Variants in NFATC1 observed in about 807,000 individuals in gnomAD.
NFATC1 encodes the protein nuclear factor of activated T cells 1, also known as nuclear factor of activated T-cells, cytoplasmic 1.
In NFATC1, 22 loss-of-function variants were observed where a neutral mutation model predicts 76.0. The ratio of observed to expected loss-of-function variants is 0.29; its 90% CI spans 0.21 to 0.41. The LOEUF (loss-of-function observed/expected upper bound fraction) is 0.41. NFATC1 is among the 10% of genes least tolerant of loss of function. The pLI, the probability that NFATC1 is intolerant of heterozygous loss-of-function variation, is 1.00. For synonymous variants in NFATC1, 704 were observed against 613.1 expected, an observed-to-expected ratio of 1.15 and a Z score of -2.19; for missense variants, 1,357 against 1,337.7, an observed-to-expected ratio of 1.01 and a Z score of -0.23.
rs541767439 is a variant in NFATC1 at position 79,400,532 on chromosome 18, G to T, written c.127+4181G>T. ...GCGCGGGGCCAGGTCGGGGTTTGGG[G>T]GCGCCCAGGCCCCCTCCGCGTCCTC... is the stretch of plus-strand genomic sequence containing the variant. On this transcript the variant is annotated intron_variant, in intron 1 of 9. Transcript: ENST00000427363. The T allele has an allele frequency of 7.7e-5, 102 of 1,331,934 alleles. No individual in the cohort carries two copies. In the African/African-American group the frequency reaches 1.5e-3, roughly 19 times the overall value. 82.5% of individuals were successfully genotyped at this position (1,331,934 alleles called of 1,614,324 possible).
At chr18:79,511,565 G>C (rs2090254684) in intron 9 of NFATC1, among the ~76,000 whole-genome samples, 1 of 152,150 alleles carries the variant, frequency 6.6e-6, no homozygotes, top group South Asian at 2.1e-4. Context: ...GCCTCGCCGT[G>C]CCCAGGATGT....
chr18:79,461,891 T>G (rs2088122227), intron 7 of NFATC1, among the ~76,000 whole-genome samples: 1 of 152,164 alleles, frequency 6.6e-6, no homozygotes, highest in South Asian at 2.1e-4. Flanking sequence ...CGACCTCCCC[T>G]GTGATGGTGT....
Position 79,415,434 on chromosome 18 carries a change from C to G in NFATC1, c.1226+3933C>G, listed in dbSNP as rs28463026. Among the ~76,000 whole-genome samples, 1,022 of 152,216 alleles carry G rather than the reference C, an allele frequency of 6.7e-3. 9 individuals are homozygous for G. The highest frequency in any genetic ancestry group is 0.022 in the African/African-American group (924 of 41,530). ...AGTAGCTGGGCCTACAGGCGCCCAC[C>G]ACCGCGCCCGGCTATTTTTTTGTAT... is the stretch of plus-strand genomic sequence containing the variant. On this transcript the variant is annotated intron_variant, in intron 2 of 9. Coordinates refer to ENST00000427363, the MANE Select transcript of NFATC1 (RefSeq NM_001278669.2).
intron 2 of NFATC1, among the ~76,000 whole-genome samples, chr18:79,432,983 C>A (rs8097131): frequency 0.44 from 67,522 of 152,022 alleles, 15,515 homozygotes; most frequent in African/African-American, 0.56. Flanking sequence ...CAGCCTCCCA[C>A]AGCCCTCACC....
At chr18:79,484,242 G>T (rs1024126962) in intron 8 of NFATC1, among the ~76,000 whole-genome samples, 1 of 152,126 alleles carries the variant, frequency 6.6e-6, no homozygotes, top group Non-Finnish European at 1.5e-5. Context: ...GGCTGGACTT[G>T]CCCCAGGCCA....
At chr18:79,450,000 C>T (rs2087391770) in intron 4 of NFATC1, among the ~76,000 whole-genome samples, 1 of 152,246 alleles carries the variant, frequency 6.6e-6, no homozygotes, top group African/African-American at 2.4e-5. Flanking sequence ...GCCTCGAGAG[C>T]TGTAATCCAA....
chr18:79,421,795 C>G (rs771961120), intron 2 of NFATC1: 1 of 152,294 alleles, frequency 6.6e-6, no homozygotes, highest in Non-Finnish European at 1.5e-5. Flanking sequence ...TTGGCAGTGC[C>G]GCCACCATGG....
intron 9 of NFATC1, 89 bp downstream of exon 9, chr18:79,487,026 C>T: frequency 7.1e-7 from 1 of 1,417,642 alleles, no homozygotes; most frequent in Non-Finnish European, 9.5e-7. Flanking sequence ...GCGTGTGTGG[C>T]ACGTGTGGAA....
intron 9 of NFATC1, chr18:79,523,834 T>C (rs1037519468): frequency 6.6e-6 from 1 of 152,140 alleles, no homozygotes; most frequent in Non-Finnish European, 1.5e-5. Flanking sequence ...CCTTATTAAA[T>C]TAAATTGTGG....
intron 9 of NFATC1, among the ~76,000 whole-genome samples, chr18:79,490,679 G>A (rs111858849): frequency 0.069 from 10,444 of 152,232 alleles, 497 homozygotes; most frequent in Admixed American, 0.1. Flanking sequence ...GGGCCGAGCC[G>A]TTTCCCGCGT....
intron 9 of NFATC1, among the ~76,000 whole-genome samples, chr18:79,504,078 C>CT (rs2090071596): frequency 6.6e-6 from 1 of 152,114 alleles, no homozygotes; most frequent in South Asian, 2.1e-4. Context: ...ATCACTCGGA[C>CT]TTTCTCTGTA....
chr18:79,410,114 G>A lies in NFATC1; in HGVS notation c.128-289G>A, dbSNP rs770313462. 2.3e-5 allele frequency: 17 copies of A among 732,274 alleles called. No individual in the cohort carries two copies. Among genetic ancestry groups the A allele is most frequent in the African/African-American group, 8.6e-5 (5 of 58,370 alleles). 45.4% of individuals were successfully genotyped at this position (732,274 alleles called of 1,614,324 possible). On this transcript the variant is annotated intron_variant, in intron 1 of 9. Transcript: ENST00000427363. This position sits in a 1 kb window ranked among gnomAD's most constrained non-coding sequence, Gnocchi z 6.7. ...TGAAGAGCGGAACCCGTGAGGACCC[G>A]GCCGCCTCTCCCTGGGAAGGACGTT... is the stretch of plus-strand genomic sequence containing the variant.
chr18:79,463,823 C>T lies in NFATC1; in HGVS notation c.1959+2457C>T, dbSNP rs971069859. Among the ~76,000 whole-genome samples the T allele has an allele frequency of 1.9e-4, 29 of 152,310 alleles. 1 individual carries two copies. Among genetic ancestry groups the T allele is most frequent in the African/African-American group, 5.3e-4 (22 of 41,542 alleles). ...GCTTCGCCAGCCCCGCACATGCACGCGGGTTGCGGGATGCAGGATGCCGGA... is the reference window on the plus strand; with the variant it reads ...GCTTCGCCAGCCCCGCACATGCACGTGGGTTGCGGGATGCAGGATGCCGGA... On this transcript the variant is annotated intron_variant, in intron 7 of 9. Coordinates refer to ENST00000427363, the MANE Select transcript of NFATC1 (RefSeq NM_001278669.2).
intron 9 of NFATC1, among the ~76,000 whole-genome samples, chr18:79,515,294 G>A (rs755038271): frequency 4.8e-5 from 7 of 147,362 alleles, no homozygotes; most frequent in Admixed American, 1.4e-4. Context: ...AGCAGAGATC[G>A]CGCCACTGCA....
Position 79,524,590 on chromosome 18 carries a change from G to A in NFATC1, c.2783-2938G>A, listed in dbSNP as rs1163695536. On this transcript the variant is annotated intron_variant, in intron 9 of 9. Transcript: ENST00000427363. The surrounding 1 kb of genome is among the most constrained non-coding windows in gnomAD (Gnocchi z 7.2). ...GTCGGCCCACACGCACCGCCAGCCC[G>A]CAGGAGTGAGGTGCAGGCTGCCGCT... 2.0e-5 allele frequency among the ~76,000 whole-genome samples: 3 copies of A among 152,164 alleles called. No individual in the cohort carries two copies. The highest frequency in any genetic ancestry group is 4.4e-5 in the Non-Finnish European group (3 of 68,014).
intron 1 of NFATC1, among the ~76,000 whole-genome samples, chr18:79,406,069 G>A (rs1247754818): frequency 6.6e-6 from 1 of 152,212 alleles, no homozygotes; most frequent in East Asian, 1.9e-4. Flanking sequence ...TACCCCGTGT[G>A]GCGCAGCTCT....
intron 8 of NFATC1, among the ~76,000 whole-genome samples, chr18:79,473,495 T>C (rs1192907950): frequency 1.3e-5 from 2 of 150,376 alleles, no homozygotes; most frequent in Admixed American, 6.6e-5. Flanking sequence ...GTTCTCACGC[T>C]CACTATCGAC....
At position 79,527,894 on chromosome 18, in the gene NFATC1, A is replaced by G; in HGVS notation, c.*317A>G. 1 of 449,532 alleles carries G rather than the reference A, an allele frequency of 2.2e-6. No homozygotes were observed. Among genetic ancestry groups the G allele is most frequent in the Non-Finnish European group, 3.9e-6 (1 of 254,394 alleles). The allele number at this position is 449,532 out of a possible 1,614,324, so 27.8% of individuals were successfully genotyped here. A position where few individuals can be genotyped will look rare whatever the true frequency, so the allele number is the denominator to read the frequency against. ...CCACACGCAGTTTGACCCCACGCCC[A>G]GCCCTTCTGGCACCCCTGGGGTTCA... On this transcript the variant is annotated 3_prime_UTR_variant, in exon 10 of 10. Coordinates refer to ENST00000427363, the MANE Select transcript of NFATC1 (RefSeq NM_001278669.2).
Position 79,411,030 on chromosome 18 carries a change from T to C in NFATC1, c.755T>C (p.Leu252Pro), listed in dbSNP as rs1382084717. 1 of 1,611,616 alleles carries C rather than the reference T, an allele frequency of 6.2e-7. No individual in the cohort carries two copies. Among genetic ancestry groups the C allele is most frequent in the African/African-American group, 1.3e-5 (1 of 74,856 alleles). The change falls in exon 2 of 10, where the codon CTG becomes CCG. Residue 252 changes from leucine (L) to proline (P), a missense_variant. By Grantham distance (98) the Leu-to-Pro change is moderately conservative. This residue lies in a region of NFATC1 where 691 missense variants were observed against 613.1 expected (regional missense o/e 1.13). Coordinates refer to ENST00000427363, the MANE Select transcript of NFATC1 (RefSeq NM_001278669.2). ...PRASVTEESW[L>P]GARSSRPASP... ...GCCAGCGTCACTGAGGAGAGCTGGC[T>C]GGGTGCCCGCTCCTCCAGACCCGCG...
Sources: gnomAD v4.1 joint callset for allele counts (sites outside exome capture counted in the v4.1 genomes callset) on GRCh38, gnomAD v4.1.1 for gene constraint, gnomAD v4.1.1 regional missense constraint, Gnocchi (gnomAD v3.1) non-coding constraint, MANE v1.5 for transcripts, NCBI Gene and HGNC (gene_info 2026-07-23, HGNC 2026-07-21) for gene names.